The following EHMT1 variants were observed in gnomAD, a reference collection of about 807,000 sequenced individuals.
The protein encoded by EHMT1 is histone-lysine N-methyltransferase EHMT1.
A neutral mutation model predicts 147.2 loss-of-function variants in EHMT1; 15 were observed. The ratio of observed to expected loss-of-function variants is 0.10; its 90% confidence interval spans 0.07 to 0.16. EHMT1 has a LOEUF of 0.16. Ranked by LOEUF, EHMT1 falls within the 10% of genes least tolerant of loss-of-function variation. The pLI is 1.00. For synonymous variants in EHMT1, 795 were observed against 709.6 expected, an observed-to-expected ratio of 1.12 and a Z score of -1.91; for missense variants, 1,587 against 1,772.4, an observed-to-expected ratio of 0.90 and a Z score of 1.88.
intron 3 of EHMT1, among the ~76,000 whole-genome samples, chr9:137,726,856 G>A (rs1405260762): frequency 6.6e-6 from 1 of 152,092 alleles, no homozygotes; most frequent in African/African-American, 2.4e-5. Flanking sequence ...TTTTTTCATA[G>A]TAGCCATCCT....
At chr9:137,807,080 G>C (rs1197579163) in intron 18 of EHMT1, among the ~76,000 whole-genome samples, 1 of 152,084 alleles carries the variant, frequency 6.6e-6, no homozygotes, top group African/African-American at 2.4e-5. Context: ...TGAGCTTCTT[G>C]GATCTGTGGA....
chr9:137,762,580 G>C (rs964160901), intron 9 of EHMT1, 95 bp from the exon 10 acceptor site: 2 of 1,591,788 alleles, frequency 1.3e-6, no homozygotes, highest in African/African-American at 1.3e-5. Context: ...ATTTCCTGGC[G>C]TGTGAGATCA....
chr9:137,720,865 A>T (rs1945875573), intron 3 of EHMT1, among the ~76,000 whole-genome samples: 1 of 152,070 alleles, frequency 6.6e-6, no homozygotes, highest in Admixed American at 6.5e-5. Flanking sequence ...TCTGTGGGTC[A>T]AACACACAGG....
At chr9:137,743,683 G>A (rs1453700761) in intron 5 of EHMT1, among the ~76,000 whole-genome samples, 155 bp downstream of exon 5, 1 of 152,164 alleles carries the variant, frequency 6.6e-6, no homozygotes, top group Non-Finnish European at 1.5e-5. Flanking sequence ...TCGTGTCCAA[G>A]ATCATTGTGG....
intron 1 of EHMT1, 68 bp from the exon 2 acceptor site, chr9:137,710,899 A>G (rs1944645930): frequency 6.5e-7 from 1 of 1,528,316 alleles, no homozygotes; most frequent in African/African-American, 1.4e-5. Flanking sequence ...ACTTTTTCCA[A>G]ATGATGTCCA....
chr9:137,792,350 C>T, intron 16 of EHMT1: 1 of 261,104 alleles, frequency 3.8e-6, no homozygotes. Context: ...GCTGAGACAG[C>T]TGGATATCCA....
intron 5 of EHMT1, 146 bp downstream of exon 5, chr9:137,743,674 C>G: frequency 7.7e-7 from 1 of 1,306,508 alleles, no homozygotes; most frequent in Non-Finnish European, 1.1e-6. Flanking sequence ...GCAGAGTGTT[C>G]GTGTCCAAGA....
chr9:137,619,472 C>T (rs1474652374), intron 1 of EHMT1, among the ~76,000 whole-genome samples: 1 of 152,074 alleles, frequency 6.6e-6, no homozygotes, highest in East Asian at 2.0e-4. Flanking sequence ...CTTTGGAGCG[C>T]CGGCCGAGGC....
intron 1 of EHMT1, among the ~76,000 whole-genome samples, chr9:137,671,520 C>CTTTTTTT (rs71493689): frequency 3.8e-5 from 4 of 105,342 alleles, no homozygotes; most frequent in African/African-American, 6.7e-5. Flanking sequence ...CCTTTTCTTT[C>CTTTTTTT]TTTTTTTTTT....
chr9:137,749,766 G>A (rs1382305910), intron 6 of EHMT1, among the ~76,000 whole-genome samples: 1 of 152,230 alleles, frequency 6.6e-6, no homozygotes, highest in Admixed American at 6.5e-5. Context: ...GTTTTGGAAG[G>A]AAGTGGAGTT....
intron 21 of EHMT1, 62 bp from the exon 22 acceptor site, chr9:137,814,369 C>G: frequency 6.4e-7 from 1 of 1,553,906 alleles, no homozygotes; most frequent in East Asian, 2.2e-5. Context: ...GTAGTTGTGA[C>G]TGGGAGGGGA....
At chr9:137,679,012 G>A (rs1464457623) in intron 1 of EHMT1, among the ~76,000 whole-genome samples, 1 of 152,122 alleles carries the variant, frequency 6.6e-6, no homozygotes, top group African/African-American at 2.4e-5. Flanking sequence ...GGAGTGCAAT[G>A]GCGCGATCTC....
intron 6 of EHMT1, among the ~76,000 whole-genome samples, chr9:137,751,398 C>T (rs978448636): frequency 1.3e-5 from 2 of 152,178 alleles, no homozygotes; most frequent in African/African-American, 4.8e-5. Context: ...TCAAGCAGTC[C>T]ACTCGCCTAG....
intron 1 of EHMT1, among the ~76,000 whole-genome samples, chr9:137,702,301 G>A (rs1943905066): frequency 6.6e-6 from 1 of 152,194 alleles, no homozygotes. Flanking sequence ...TCTGAGACAA[G>A]GTAAGTCCCT....
chr9:137,724,948 A>AGGTGTGT (rs2135716533), intron 3 of EHMT1, among the ~76,000 whole-genome samples: 1 of 148,766 alleles, frequency 6.7e-6, no homozygotes, highest in African/African-American at 2.5e-5. Flanking sequence ...TTCGTGGGGC[A>AGGTGTGT]GGCGTGTGGC....
chr9:137,625,783 G>C (rs1459598884), intron 1 of EHMT1, among the ~76,000 whole-genome samples: 1 of 151,668 alleles, frequency 6.6e-6, no homozygotes, highest in African/African-American at 2.4e-5. Flanking sequence ...GAGCATTTTT[G>C]ACCACTTCTC....
chr9:137,636,785 C>T (rs1021506124), intron 1 of EHMT1, among the ~76,000 whole-genome samples: 4 of 151,042 alleles, frequency 2.6e-5, no homozygotes, highest in African/African-American at 9.8e-5. Flanking sequence ...GTTTGATTTG[C>T]TAGTATTTTG....
intron 25 of EHMT1, among the ~76,000 whole-genome samples, chr9:137,822,753 T>C (rs7863689): frequency 0.16 from 24,783 of 151,732 alleles, 6,553 homozygotes; most frequent in African/African-American, 0.56. Context: ...ATTAGCCGGG[T>C]GTGGTGGCGC....
rs2136977709 is a variant in EHMT1, at chr9:137,786,063, T to C, written c.2382+3666T>C. 1 of 152,638 alleles carries C rather than the reference T, an allele frequency of 6.6e-6. No homozygotes were observed. Among genetic ancestry groups the C allele is most frequent in the Non-Finnish European group, 1.5e-5 (1 of 68,244 alleles). The allele number at this position is 152,638 out of a possible 1,614,324, so 9.5% of individuals were successfully genotyped here. A position where few individuals can be genotyped will look rare whatever the true frequency, so the allele number is the denominator to read the frequency against. On this transcript the variant is annotated intron_variant, in intron 15 of 26. Coordinates refer to ENST00000460843, the MANE Select transcript of EHMT1 (RefSeq NM_024757.5). The surrounding 1 kb of genome is among the most constrained non-coding windows in gnomAD (Gnocchi z 4.3). ...CTCCCTGCTGACTGCCTGTGCTCTG[T>C]GCTTGTCTGAAACGTCGTCTTTGGG...
Sources: gnomAD v4.1 joint callset for allele counts (sites outside exome capture counted in the v4.1 genomes callset) on GRCh38, gnomAD v4.1.1 for gene constraint, Gnocchi (gnomAD v3.1) non-coding constraint, MANE v1.5 for transcripts, NCBI Gene and HGNC (gene_info 2026-07-23, HGNC 2026-07-21) for gene names.